SYNE2: variants seen among roughly 807,000 people sequenced by gnomAD.
SYNE2 encodes the protein nesprin-2.
In SYNE2, 431 loss-of-function variants were observed where a neutral mutation model predicts 856.3. The ratio of observed to expected loss-of-function variants is 0.50; its 90% confidence interval spans 0.47 to 0.55. The LOEUF (loss-of-function observed/expected upper bound fraction) is 0.55, where lower values mean the gene tolerates loss of function less well. Ranked by LOEUF, SYNE2 falls within the 20% of genes least tolerant of loss-of-function variation. The probability of loss-of-function intolerance (pLI) is 0.00; values close to 1 mark genes in which losing one functional copy is unlikely to be tolerated. For missense variants in SYNE2, 8,129 were observed against 8,023.2 expected (o/e 1.01, Z -0.50); for synonymous variants, 2,923 against 2,872.3 (o/e 1.02, Z -0.56).
chr14:63,854,005 C>G (rs1280987511), intron 1 of SYNE2, among the ~76,000 whole-genome samples: 2 of 152,072 alleles, frequency 1.3e-5, no homozygotes, highest in East Asian at 1.9e-4. Flanking sequence ...GTGTAGCATT[C>G]GCGTTTGTGG....
chr14:63,942,176 A>G, intron 6 of SYNE2, 33 bp downstream of exon 6: 3 of 1,264,518 alleles, frequency 2.4e-6, no homozygotes, highest in South Asian at 1.2e-5. Context: ...AATTATTTCT[A>G]CCCTACCACA....
intron 67 of SYNE2, among the ~76,000 whole-genome samples, chr14:64,119,843 T>C (rs928220485): frequency 5.9e-5 from 9 of 152,226 alleles, no homozygotes; most frequent in African/African-American, 1.9e-4. Flanking sequence ...TTGGTTTGTG[T>C]TGGTTTAATG....
intron 78 of SYNE2, among the ~76,000 whole-genome samples, chr14:64,137,280 G>A (rs1386313629): frequency 6.6e-6 from 1 of 152,142 alleles, no homozygotes; most frequent in Non-Finnish European, 1.5e-5. Flanking sequence ...GCTCACTGCA[G>A]CCTCTACCTC....
chr14:64,002,800 A>G lies in SYNE2; in HGVS notation c.3867A>G (p.Leu1289=). The change falls in exon 30 of 116, where the codon TTA becomes TTG. Residue 1289 remains leucine, a synonymous_variant. Transcript: ENST00000555002. The part of the protein sequence containing the change: ...EEPGNFVLKE[L]HPFDLHAMQN... ...CAGGCAACTTTGTATTAAAGGAGTT[A>G]CACCCATTTGATCTACACGCAATGC... The G allele has an allele frequency of 1.2e-6, 2 of 1,607,508 alleles. No individual in the cohort carries two copies. Among genetic ancestry groups the G allele is most frequent in the South Asian group, 2.2e-5 (2 of 90,764 alleles).
chr14:64,218,368 G>C (rs1402772771), intron 108 of SYNE2, 30 bp from the exon 109 acceptor site: 2 of 1,591,424 alleles, frequency 1.3e-6, no homozygotes, highest in Non-Finnish European at 1.7e-6. Flanking sequence ...CATATCTACA[G>C]ATGGTAACTT....
chr14:63,978,319 G>A (rs1239880681), intron 13 of SYNE2, among the ~76,000 whole-genome samples: 2 of 152,090 alleles, frequency 1.3e-5, no homozygotes, highest in African/African-American at 2.4e-5. Context: ...GTAAATTTAG[G>A]TTAATGATAA....
At chr14:64,066,453 C>T (rs2097359331) in intron 51 of SYNE2, among the ~76,000 whole-genome samples, 1 of 152,142 alleles carries the variant, frequency 6.6e-6, no homozygotes, top group Admixed American at 6.5e-5. Context: ...CATGATCATG[C>T]CACTGTATTC....
At chr14:63,890,098 C>T (rs1286948170) in intron 1 of SYNE2, among the ~76,000 whole-genome samples, 1 of 144,972 alleles carries the variant, frequency 6.9e-6, no homozygotes, top group Non-Finnish European at 1.5e-5. Flanking sequence ...GCTCTGTCAC[C>T]TCGGCTGTAT....
intron 78 of SYNE2, among the ~76,000 whole-genome samples, chr14:64,135,982 A>G (rs2098084463): frequency 6.6e-6 from 1 of 152,280 alleles, no homozygotes; most frequent in South Asian, 2.1e-4. Context: ...CACAGACTGT[A>G]TCCCATGCAT....
At chr14:64,156,226 C>T (rs2098283972) in intron 85 of SYNE2, among the ~76,000 whole-genome samples, 1 of 152,074 alleles carries the variant, frequency 6.6e-6, no homozygotes, top group Non-Finnish European at 1.5e-5. Flanking sequence ...GCCAGAAGGC[C>T]TTTAAGGTGC....
intron 96 of SYNE2, among the ~76,000 whole-genome samples, chr14:64,183,465 C>T (rs955473989): frequency 1.3e-5 from 2 of 151,826 alleles, no homozygotes; most frequent in Non-Finnish European, 2.9e-5. Context: ...CCTCACATCC[C>T]AGACGATGGG....
At chr14:64,065,243 A>T (rs913403876) in intron 50 of SYNE2, among the ~76,000 whole-genome samples, 189 bp from the exon 51 acceptor site, 1 of 152,196 alleles carries the variant, frequency 6.6e-6, no homozygotes, top group African/African-American at 2.4e-5. Context: ...TCCCAAATTC[A>T]TGCAGAATAC....
intron 82 of SYNE2, among the ~76,000 whole-genome samples, chr14:64,142,426 T>C (rs1360918439): frequency 6.6e-6 from 1 of 152,158 alleles, no homozygotes; most frequent in African/African-American, 2.4e-5. Flanking sequence ...CTCTCCCTTA[T>C]CATCCTGTGT....
intron 77 of SYNE2, among the ~76,000 whole-genome samples, chr14:64,132,795 A>T (rs1233070155): frequency 6.6e-6 from 1 of 152,188 alleles, no homozygotes; most frequent in Non-Finnish European, 1.5e-5. Context: ...CCTAAAATGG[A>T]TGACAATCTT....
intron 1 of SYNE2, among the ~76,000 whole-genome samples, chr14:63,827,625 C>CAAAAAAAAAAAAAAACAAAAAAAAAA (rs1889486919): frequency 1.3e-3 from 36 of 28,384 alleles, no homozygotes; most frequent in East Asian, 2.0e-3. Flanking sequence ...AACTCTGTCT[C>CAAAAAAAAAAAAAAACAAAAAAAAAA]AAAAAAAAAA....
intron 1 of SYNE2, among the ~76,000 whole-genome samples, chr14:63,892,188 T>C (rs1278038910): frequency 6.6e-6 from 1 of 151,022 alleles, no homozygotes; most frequent in Non-Finnish European, 1.5e-5. Flanking sequence ...AAAATGCTCG[T>C]GCAGTTATAT....
rs777000142 is a variant in SYNE2 at position 64,049,690 on chromosome 14, C to T, written c.7457C>T (p.Thr2486Ile). The T allele has an allele frequency of 1.9e-6, 3 of 1,614,072 alleles. No individual in the cohort carries two copies. The highest frequency in any genetic ancestry group is 4.5e-5 in the East Asian group (2 of 44,864). Residue 2486 changes from threonine (T) to isoleucine (I), a missense_variant, in exon 47 of 116, where the codon ACT becomes ATT. Physicochemically the swap from Thr to Ile is moderately conservative, Grantham distance 89 (BLOSUM62 -1). This residue lies in a region of SYNE2 where 5,410 missense variants were observed against 5,284.8 expected (regional missense o/e 1.02). Transcript: ENST00000555002. ...ACAGAATGTCTTAACAAAACAGAAA[C>T]TGGGGCCTTGGTTCTCCACAATATA... is the stretch of plus-strand genomic sequence containing the variant. ...EQTECLNKTE[T>I]GALVLHNIGY... is the part of the protein sequence containing the mutation.
At chr14:63,762,371 G>C (rs1352255126) in intron 1 of SYNE2, among the ~76,000 whole-genome samples, 1 of 148,368 alleles carries the variant, frequency 6.7e-6, no homozygotes, top group Non-Finnish European at 1.5e-5. Context: ...GGAAGCAGAG[G>C]TTGCAGTGAG....
rs74436993 is a variant in SYNE2, at chr14:63,770,839, T to A, written c.-305+8853T>A. Among the ~76,000 whole-genome samples the A allele has an allele frequency of 5.4e-3, 815 of 151,976 alleles. 9 individuals are homozygous for A. Among genetic ancestry groups the A allele is most frequent in the African/African-American group, 0.019 (771 of 41,462 alleles). On this transcript the variant is annotated intron_variant, in intron 1 of 23. Transcript: ENST00000674003. ...CCAAACATTTTTCAATAAAAAAAAA[T>A]TTTAAATTCATCAACCCTGGCTTAC...
Sources: allele counts gnomAD v4.1 joint callset (sites outside exome capture counted in the v4.1 genomes callset), GRCh38; gene constraint gnomAD v4.1.1; regional missense constraint gnomAD v4.1.1; transcripts MANE v1.5; gene names NCBI Gene and HGNC (gene_info 2026-07-23, HGNC 2026-07-21).